The following FPR3 variants were observed in gnomAD, a reference collection of about 807,000 sequenced individuals.
The protein encoded by FPR3 is N-formyl peptide receptor 3.
For missense variants in FPR3, 346 were observed against 443.2 expected, an observed-to-expected ratio of 0.78 and a Z score of 1.97; for synonymous variants, 135 against 163.6, an observed-to-expected ratio of 0.83 and a Z score of 1.34.
At chr19:51,815,312 A>C (rs2084127268) in intron 1 of FPR3, among the ~76,000 whole-genome samples, 1 of 152,126 alleles carries the variant, frequency 6.6e-6, no homozygotes, top group Non-Finnish European at 1.5e-5. Flanking sequence ...CTGTAATCCC[A>C]GCACTCTCGA....
At chr19:51,813,755 C>T (rs2084114773) in intron 1 of FPR3, among the ~76,000 whole-genome samples, 1 of 152,096 alleles carries the variant, frequency 6.6e-6, no homozygotes, top group Admixed American at 6.5e-5. Context: ...AGGATGGACT[C>T]GATCTCCTGA....
intron 1 of FPR3, among the ~76,000 whole-genome samples, chr19:51,818,500 A>T (rs1202986532): frequency 1.3e-5 from 2 of 152,242 alleles, no homozygotes; most frequent in African/African-American, 4.8e-5. Flanking sequence ...ATAGAAAATA[A>T]ATGAACAAAC....
intron 1 of FPR3, among the ~76,000 whole-genome samples, chr19:51,808,050 T>G (rs1360252556): frequency 6.6e-6 from 1 of 152,258 alleles, no homozygotes; most frequent in African/African-American, 2.4e-5. Context: ...TTTTTGTGGT[T>G]GTAGCCATGA....
intron 1 of FPR3, 94 bp from the exon 2 acceptor site, chr19:51,823,645 C>A: frequency 1.0e-6 from 1 of 968,748 alleles, no homozygotes; most frequent in Non-Finnish European, 1.5e-6. Context: ...GGAGGGTCTG[C>A]TGGTAGGAGG....
intron 1 of FPR3, among the ~76,000 whole-genome samples, chr19:51,818,395 A>G (rs1313765704): frequency 6.6e-6 from 1 of 152,150 alleles, no homozygotes; most frequent in African/African-American, 2.4e-5. Context: ...TACAGACCAC[A>G]TTGTGTTTCC....
chr19:51,814,461 T>G (rs1199850631), intron 1 of FPR3, among the ~76,000 whole-genome samples: 1 of 151,384 alleles, frequency 6.6e-6, no homozygotes, highest in Non-Finnish European at 1.5e-5. Flanking sequence ...CTCATGCATC[T>G]GCCTCACCTC....
At chr19:51,801,822 T>C (rs767735040) in intron 1 of FPR3, among the ~76,000 whole-genome samples, 3 of 152,242 alleles carry the variant, frequency 2.0e-5, no homozygotes, top group Non-Finnish European at 2.9e-5. Flanking sequence ...AGGGATCTCA[T>C]TAAATTTACT....
At chr19:51,820,969 T>C (rs542021440) in intron 1 of FPR3, among the ~76,000 whole-genome samples, 2 of 152,314 alleles carry the variant, frequency 1.3e-5, no homozygotes, top group South Asian at 2.1e-4. Context: ...GTGAGTAATG[T>C]TCATAAGTAG....
Position 51,795,269 on chromosome 19 carries a change from T to TA in FPR3, c.-72dup, listed in dbSNP as rs1401014253. 1 of 152,108 alleles carries TA rather than the reference T, an allele frequency of 6.6e-6. No individual in the cohort carries two copies. Among genetic ancestry groups the TA allele is most frequent in the Non-Finnish European group, 1.5e-5 (1 of 68,022 alleles). 9.4% of individuals were successfully genotyped at this position (152,108 alleles called of 1,614,324 possible). A position where few individuals can be genotyped will look rare whatever the true frequency, so the allele number is the denominator to read the frequency against. On this transcript the variant is annotated 5_prime_UTR_variant, in exon 1 of 2. Coordinates refer to ENST00000339223, the MANE Select transcript of FPR3 (RefSeq NM_002030.5). ...ATAACTTCATCTTTTTACAAGTACT[T>TA]AGAGCCTGAGTTGCTCCACAGGAAT...
At chr19:51,800,761 T>C (rs1274935027) in intron 1 of FPR3, among the ~76,000 whole-genome samples, 1 of 152,182 alleles carries the variant, frequency 6.6e-6, no homozygotes, top group African/African-American at 2.4e-5. Flanking sequence ...TTTTTTTTCT[T>C]TTTTGGTAAC....
At chr19:51,806,646 G>A (rs1269892241) in intron 1 of FPR3, among the ~76,000 whole-genome samples, 1 of 152,174 alleles carries the variant, frequency 6.6e-6, no homozygotes, top group Non-Finnish European at 1.5e-5. Context: ...CAAAGCTGTA[G>A]GAAATTTTGA....
chr19:51,804,449 T>C (rs908251624), intron 1 of FPR3, among the ~76,000 whole-genome samples: 1 of 152,196 alleles, frequency 6.6e-6, no homozygotes, highest in South Asian at 2.1e-4. Context: ...AGGTGAATTA[T>C]GTACATTTAA....
intron 1 of FPR3, chr19:51,803,914 T>C (rs770677848): frequency 1.5e-4 from 23 of 152,352 alleles, no homozygotes; most frequent in Non-Finnish European, 3.2e-4. Context: ...TCGTGGTATA[T>C]TGGGGCTTTG....
rs1295915082 is a variant in FPR3 at position 51,795,326 on chromosome 19, CT to C, written c.-15del. On this transcript the variant is annotated 5_prime_UTR_variant, in exon 1 of 2. Coordinates refer to ENST00000339223, the MANE Select transcript of FPR3 (RefSeq NM_002030.5). ...ACTGGGCACAGGAAAAGGATCTAAGCTGGTGGTAAGTTGGGGTCTGAAAATT... is the reference window on the plus strand; with the variant it reads ...ACTGGGCACAGGAAAAGGATCTAAGCGGTGGTAAGTTGGGGTCTGAAAATT... The C allele has an allele frequency of 5.3e-5, 8 of 152,062 alleles. No individual in the cohort carries two copies. Among genetic ancestry groups the C allele is most frequent in the African/African-American group, 1.7e-4 (7 of 41,382 alleles). 9.4% of individuals were successfully genotyped at this position (152,062 alleles called of 1,614,324 possible).
At chr19:51,822,811 C>A (rs2084200358) in intron 1 of FPR3, among the ~76,000 whole-genome samples, 1 of 152,076 alleles carries the variant, frequency 6.6e-6, no homozygotes, top group Admixed American at 6.6e-5. Context: ...ATATAGGGCC[C>A]TCTTTGTTGA....
At chr19:51,823,103 T>A (rs945591650) in intron 1 of FPR3, among the ~76,000 whole-genome samples, 1 of 152,134 alleles carries the variant, frequency 6.6e-6, no homozygotes, top group Non-Finnish European at 1.5e-5. Context: ...TCTCAAGTGA[T>A]CCACTCTCCT....
Position 51,825,164 on chromosome 19 carries a change from G to A in FPR3, c.*354G>A. ...GGGTTCCCACTACCCCCTCTTTGGG[G>A]GTAGAGTGGCTCATGGAACTCAGAG... is the stretch of plus-strand genomic sequence containing the variant. On this transcript the variant is annotated 3_prime_UTR_variant, in exon 2 of 2. Transcript: ENST00000339223. The A allele has an allele frequency of 4.5e-6, 1 of 222,732 alleles. No homozygotes were observed. Among genetic ancestry groups the A allele is most frequent in the Non-Finnish European group, 9.6e-6 (1 of 104,624 alleles). The allele number at this position is 222,732 out of a possible 1,614,324, so 13.8% of individuals were successfully genotyped here.
intron 1 of FPR3, among the ~76,000 whole-genome samples, chr19:51,816,085 T>C (rs2084134755): frequency 6.8e-6 from 1 of 145,986 alleles, no homozygotes; most frequent in African/African-American, 2.5e-5. Flanking sequence ...AAAAAACCCT[T>C]GAGAAATGAG....
In FPR3 at chr19:51,823,746, A is replaced by G; in HGVS notation, c.-3A>G. 6.4e-7 allele frequency: 1 copy of G among 1,574,318 alleles called. No homozygotes were observed. The highest frequency in any genetic ancestry group is 8.6e-7 in the Non-Finnish European group (1 of 1,159,670). On this transcript the variant is annotated 5_prime_UTR_variant, in exon 2 of 2. Coordinates refer to ENST00000339223, the MANE Select transcript of FPR3 (RefSeq NM_002030.5). ...ATTGCTGAAATGTTTCAGGTGTGGG[A>G]AGATGGAAACCAACTTCTCCATTCC...
Sources: gnomAD v4.1 joint callset for allele counts (sites outside exome capture counted in the v4.1 genomes callset) on GRCh38, gnomAD v4.1.1 for gene constraint, MANE v1.5 for transcripts, NCBI Gene and HGNC (gene_info 2026-07-23, HGNC 2026-07-21) for gene names.